CACNA2D3: variants seen among roughly 807,000 people sequenced by gnomAD.
CACNA2D3 encodes the protein voltage-dependent calcium channel subunit alpha-2/delta-3.
In CACNA2D3, 60 loss-of-function variants were observed where a neutral mutation model predicts 160.6. That is an observed-to-expected ratio of 0.37 (90% CI 0.30 to 0.46). The LOEUF is 0.46. Ranked by LOEUF, CACNA2D3 falls within the 20% of genes least tolerant of loss-of-function variation. The pLI is 1.00. For synonymous variants in CACNA2D3, 558 were observed against 492.9 expected (o/e 1.13, Z -1.75); for missense variants, 1,205 against 1,365.0 (o/e 0.88, Z 1.85).
chr3:54,993,168 A>G (rs1702779431), intron 31 of CACNA2D3, among the ~76,000 whole-genome samples: 1 of 152,202 alleles, frequency 6.6e-6, no homozygotes, highest in African/African-American at 2.4e-5. Context: ...CACAGATCCA[A>G]ACCATATTAG....
At chr3:54,652,731 A>G (rs568284086) in intron 11 of CACNA2D3, among the ~76,000 whole-genome samples, 1 of 150,308 alleles carries the variant, frequency 6.7e-6, no homozygotes, top group East Asian at 1.9e-4. Context: ...TTCAGTGGGC[A>G]CAGTGAGATG....
chr3:54,549,395 G>T (rs1447621506), intron 5 of CACNA2D3, among the ~76,000 whole-genome samples: 1 of 152,204 alleles, frequency 6.6e-6, no homozygotes, highest in South Asian at 2.1e-4. Flanking sequence ...GCAGTGAGCC[G>T]AGATCGTGCC....
chr3:54,814,814 T>TAG (rs1161267889), intron 13 of CACNA2D3, among the ~76,000 whole-genome samples: 2 of 151,426 alleles, frequency 1.3e-5, no homozygotes, highest in African/African-American at 2.4e-5. Flanking sequence ...AAAGATAAAA[T>TAG]AGAGAGAGAG....
At chr3:54,876,403 C>G (rs937071246) in intron 18 of CACNA2D3, 3 of 152,320 alleles carry the variant, frequency 2.0e-5, no homozygotes, top group Middle Eastern at 3.4e-3. Flanking sequence ...ACTCCCTTTC[C>G]TCCTCTGGCA....
At chr3:54,156,024 C>G (rs1030175035) in intron 2 of CACNA2D3, among the ~76,000 whole-genome samples, 1 of 152,224 alleles carries the variant, frequency 6.6e-6, no homozygotes, top group Middle Eastern at 3.4e-3. Context: ...TTTTTTGAGG[C>G]TTTAGCCTGG....
rs144787178 is a variant in CACNA2D3, at chr3:54,703,675, G to T, written c.1168-48924G>T. On this transcript the variant is annotated intron_variant, in intron 11 of 37. Transcript: ENST00000474759. ...TTTTCTTTTCAATATTTAGGAAGAA[G>T]GTGCCACATGAAAAGCTATCAAGTT... 1.8e-3 allele frequency among the ~76,000 whole-genome samples: 275 copies of T among 152,196 alleles called. 1 individual carries two copies. Among genetic ancestry groups the T allele is most frequent in the African/African-American group, 6.5e-3 (269 of 41,526 alleles).
chr3:54,754,687 A>G (rs1226992888), intron 12 of CACNA2D3, among the ~76,000 whole-genome samples: 2 of 152,178 alleles, frequency 1.3e-5, no homozygotes, highest in African/African-American at 4.8e-5. Context: ...CCTGTTGCAT[A>G]GTAGATTGGT....
At chr3:55,073,682 G>GT (rs1704872212) in intron 36 of CACNA2D3, 95 bp from the exon 37 acceptor site, 1 of 1,227,040 alleles carries the variant, frequency 8.1e-7, no homozygotes, top group African/African-American at 1.5e-5. Flanking sequence ...TGGAGAGAGA[G>GT]AGTAGTTAAG....
intron 6 of CACNA2D3, among the ~76,000 whole-genome samples, chr3:54,563,668 C>A (rs1194320438): frequency 1.3e-5 from 2 of 152,184 alleles, no homozygotes; most frequent in Non-Finnish European, 2.9e-5. Context: ...GCAACTGTGC[C>A]AACATCACAG....
At chr3:54,363,047 T>C (rs1326865369) in intron 3 of CACNA2D3, among the ~76,000 whole-genome samples, 1 of 151,804 alleles carries the variant, frequency 6.6e-6, no homozygotes, top group Admixed American at 6.6e-5. Flanking sequence ...TACAAAAAAT[T>C]AGCCAGGTGT....
At chr3:54,660,698 AT>A (rs1699952441) in intron 11 of CACNA2D3, among the ~76,000 whole-genome samples, 1 of 151,902 alleles carries the variant, frequency 6.6e-6, no homozygotes, top group Non-Finnish European at 1.5e-5. Flanking sequence ...AAGGGAGGAG[AT>A]TTATAGGGCT....
chr3:54,361,414 G>A (rs1048746000), intron 3 of CACNA2D3, among the ~76,000 whole-genome samples: 5 of 152,116 alleles, frequency 3.3e-5, no homozygotes, highest in Non-Finnish European at 7.3e-5. Context: ...TAAGAATGAC[G>A]AATTTTAGGC....
chr3:54,347,655 T>TAA (rs769255368), intron 3 of CACNA2D3, among the ~76,000 whole-genome samples: 8 of 143,572 alleles, frequency 5.6e-5, no homozygotes, highest in African/African-American at 2.0e-4. Flanking sequence ...TTGGTTGACT[T>TAA]AAAAAAAAAA....
At chr3:54,382,336 G>C (rs116069031) in intron 3 of CACNA2D3, among the ~76,000 whole-genome samples, 1 of 152,148 alleles carries the variant, frequency 6.6e-6, no homozygotes, top group Non-Finnish European at 1.5e-5. Flanking sequence ...TTTTAAAAAC[G>C]TATTTCATTG....
chr3:54,336,621 G>A (rs72988016), intron 3 of CACNA2D3, among the ~76,000 whole-genome samples: 1,899 of 152,156 alleles, frequency 0.012, 39 homozygotes, highest in African/African-American at 0.044. Context: ...TGTTATGTAC[G>A]TTGATTCAAA....
intron 2 of CACNA2D3, among the ~76,000 whole-genome samples, chr3:54,274,320 TTTC>T (rs1255699704): frequency 6.6e-6 from 1 of 152,124 alleles, no homozygotes; most frequent in Admixed American, 6.6e-5. Context: ...ATAGATTATT[TTTC>T]TTCTTTCTTT....
At chr3:54,546,103 C>T (rs898088359) in intron 5 of CACNA2D3, among the ~76,000 whole-genome samples, 1 of 152,084 alleles carries the variant, frequency 6.6e-6, no homozygotes, top group Non-Finnish European at 1.5e-5. Flanking sequence ...AATTTTGTGG[C>T]CCTATAAGGG....
chr3:54,870,689 G>A (rs1699505700), intron 17 of CACNA2D3, among the ~76,000 whole-genome samples: 1 of 152,154 alleles, frequency 6.6e-6, no homozygotes, highest in Non-Finnish European at 1.5e-5. Flanking sequence ...AGTTATTCAT[G>A]CACTCATCAG....
chr3:54,986,778 G>C (rs1418698001), intron 30 of CACNA2D3, among the ~76,000 whole-genome samples: 1 of 115,378 alleles, frequency 8.7e-6, no homozygotes, highest in African/African-American at 3.4e-5. Context: ...AGCACCCAGA[G>C]TAGAGATGGG....
Sources: allele counts gnomAD v4.1 joint callset (sites outside exome capture counted in the v4.1 genomes callset), GRCh38; gene constraint gnomAD v4.1.1; transcripts MANE v1.5; gene names NCBI Gene and HGNC (gene_info 2026-07-23, HGNC 2026-07-21).